The following EYS variants were observed in gnomAD, a reference collection of about 807,000 sequenced individuals.
EYS encodes protein eyes shut homolog.
In EYS, 250 loss-of-function variants were observed where a neutral mutation model predicts 282.1. The observed-to-expected ratio is 0.89, with a 90% confidence interval of 0.80 to 0.98. The LOEUF (loss-of-function observed/expected upper bound fraction) is 0.98. Among genes scored for constraint, EYS ranks in the 50% least tolerant of loss-of-function variants. The pLI is 0.00. For synonymous variants in EYS, 1,355 were observed against 1,282.9 expected (o/e 1.06, Z -1.20); for missense variants, 4,016 against 3,709.0 (o/e 1.08, Z -2.15).
chr6:63,791,592 AAAAAG>A (rs1770514853), intron 37 of EYS, among the ~76,000 whole-genome samples: 1 of 151,760 alleles, frequency 6.6e-6, no homozygotes, highest in South Asian at 2.1e-4. Flanking sequence ...AAAAAAAAAA[AAAAAG>A]AAGAAGAACT....
At chr6:64,939,967 C>A (rs1218011321) in intron 15 of EYS, among the ~76,000 whole-genome samples, 1 of 151,958 alleles carries the variant, frequency 6.6e-6, no homozygotes, top group Admixed American at 6.6e-5. Flanking sequence ...ACTAACAAAA[C>A]AATCCCCTGT....
intron 2 of EYS, among the ~76,000 whole-genome samples, chr6:65,543,880 C>T (rs560600167): frequency 2.0e-5 from 3 of 152,230 alleles, no homozygotes; most frequent in Non-Finnish European, 4.4e-5. Flanking sequence ...TTCTCTCTAC[C>T]ATTGCTGGAG....
chr6:64,714,390 G>C (rs1431138628), intron 22 of EYS, among the ~76,000 whole-genome samples: 1 of 152,146 alleles, frequency 6.6e-6, no homozygotes, highest in East Asian at 1.9e-4. Context: ...GGCTTTAGCA[G>C]AAGGCAATAT....
At chr6:65,609,336 C>CAAAAAAAAAAAAA (rs34304600) in intron 2 of EYS, among the ~76,000 whole-genome samples, 1 of 143,058 alleles carries the variant, frequency 7.0e-6, no homozygotes, top group Non-Finnish European at 1.5e-5. Context: ...CCAAGATAGC[C>CAAAAAAAAAAAAA]AAAAAAAAAA....
chr6:65,637,936 A>G (rs1767146333), intron 2 of EYS, among the ~76,000 whole-genome samples: 1 of 152,202 alleles, frequency 6.6e-6, no homozygotes, highest in Non-Finnish European at 1.5e-5. Flanking sequence ...CCTCGGGTGG[A>G]AAGGGGTGCA....
At chr6:65,697,015 T>C (rs892513663) in intron 1 of EYS, among the ~76,000 whole-genome samples, 4 of 152,004 alleles carry the variant, frequency 2.6e-5, no homozygotes, top group Non-Finnish European at 5.9e-5. Context: ...GATTCGATAG[T>C]TAAAAAATTC....
intron 22 of EYS, among the ~76,000 whole-genome samples, chr6:64,708,520 C>T (rs920700188): frequency 6.6e-6 from 1 of 152,092 alleles, no homozygotes; most frequent in African/African-American, 2.4e-5. Flanking sequence ...ATGGGTCTCT[C>T]ATGTTTCTGC....
chr6:64,667,133 C>T (rs933568404), intron 22 of EYS, among the ~76,000 whole-genome samples: 2 of 150,670 alleles, frequency 1.3e-5, no homozygotes, highest in African/African-American at 4.9e-5. Flanking sequence ...GGATTCTCTG[C>T]TTAATGAAAT....
rs185460544 is a variant in EYS, at chr6:65,057,574, T to G, written c.2137+40A>C. ...AAGAGACAGAAGTGCTTTTTAAAGT[T>G]AATTATGTTTGCTTTTCCTTATCCC... On this transcript the variant is annotated intron_variant, in intron 13 of 42. Transcript: ENST00000503581. The G allele has an allele frequency of 1.1e-4, 132 of 1,225,562 alleles. No individual in the cohort carries two copies. In the East Asian group the frequency reaches 2.2e-3, roughly 20 times the overall value. The allele number at this position is 1,225,562 out of a possible 1,614,324, so 75.9% of individuals were successfully genotyped here. A position where few individuals can be genotyped will look rare whatever the true frequency, so the allele number is the denominator to read the frequency against.
At chr6:63,894,085 G>T (rs1376698197) in intron 35 of EYS, among the ~76,000 whole-genome samples, 2 of 152,150 alleles carry the variant, frequency 1.3e-5, no homozygotes, top group Non-Finnish European at 2.9e-5. Context: ...TGTGGAAGGG[G>T]TGTAATATTC....
At chr6:64,735,536 A>G (rs980514244) in intron 22 of EYS, among the ~76,000 whole-genome samples, 1 of 152,228 alleles carries the variant, frequency 6.6e-6, no homozygotes, top group African/African-American at 2.4e-5. Context: ...AAAAAATTGT[A>G]TAACTTATAC....
intron 28 of EYS, among the ~76,000 whole-genome samples, chr6:64,424,608 T>C (rs1774344129): frequency 6.6e-6 from 1 of 152,218 alleles, no homozygotes; most frequent in Non-Finnish European, 1.5e-5. Flanking sequence ...ATTGCATTTC[T>C]TCCCGTGCTA....
intron 35 of EYS, among the ~76,000 whole-genome samples, chr6:63,949,724 T>A (rs1030094885): frequency 3.9e-5 from 6 of 152,202 alleles, no homozygotes; most frequent in African/African-American, 1.4e-4. Context: ...GCATAAATAA[T>A]AAACTAACAA....
intron 36 of EYS, among the ~76,000 whole-genome samples, chr6:63,816,771 C>T (rs992622698): frequency 6.6e-6 from 1 of 152,228 alleles, no homozygotes; most frequent in African/African-American, 2.4e-5. Context: ...TCACGTGCTA[C>T]GTGGCCAAAA....
At chr6:65,126,231 C>T (rs1009142239) in intron 12 of EYS, among the ~76,000 whole-genome samples, 3 of 152,122 alleles carry the variant, frequency 2.0e-5, no homozygotes, top group African/African-American at 7.2e-5. Context: ...TTCTCCCACT[C>T]TTCTTTAAGG....
chr6:64,745,633 A>G (rs1772534683), intron 22 of EYS, among the ~76,000 whole-genome samples: 1 of 152,180 alleles, frequency 6.6e-6, no homozygotes, highest in Non-Finnish European at 1.5e-5. Flanking sequence ...GTATAAAAAT[A>G]AGCAGTTACT....
At chr6:65,249,070 A>G (rs1309134313) in intron 12 of EYS, among the ~76,000 whole-genome samples, 2 of 151,670 alleles carry the variant, frequency 1.3e-5, no homozygotes, top group African/African-American at 4.8e-5. Context: ...GACAAGTGAA[A>G]AAAAAAAAAC....
chr6:65,476,286 A>C (rs987599696), intron 5 of EYS, among the ~76,000 whole-genome samples: 1 of 152,172 alleles, frequency 6.6e-6, no homozygotes, highest in Non-Finnish European at 1.5e-5. Context: ...CTGCTATCAG[A>C]GTTGGTCTAC....
In EYS at chr6:63,996,319, T is replaced by A. The variant is rs1374613626; in HGVS notation, c.6834+2756A>T. The stretch of plus-strand genomic sequence containing the variant: ...GTCAGAGGTTGCGGGGAGAGAGAAA[T>A]GAAAAGTTGCTCTTCAATGACTATA... On this transcript the variant is annotated intron_variant, in intron 34 of 42. Coordinates refer to ENST00000503581, the MANE Select transcript of EYS (RefSeq NM_001142800.2). Among the ~76,000 whole-genome samples, 4 of 151,728 alleles carry A rather than the reference T, an allele frequency of 2.6e-5. No individual in the cohort carries two copies. The East Asian group carries it at 7.7e-4, about 29-fold the overall frequency.
Sources: gnomAD v4.1 joint callset for allele counts (sites outside exome capture counted in the v4.1 genomes callset) on GRCh38, gnomAD v4.1.1 for gene constraint, MANE v1.5 for transcripts, NCBI Gene and HGNC (gene_info 2026-07-23, HGNC 2026-07-21) for gene names.